DTNA: variants seen among roughly 807,000 people sequenced by gnomAD.
DTNA encodes dystrophin-related protein 3.
A neutral mutation model predicts 100.7 loss-of-function variants in DTNA; 43 were observed. That is an observed-to-expected ratio of 0.43 (90% CI 0.33 to 0.55). The LOEUF is 0.55. DTNA is among the 20% of genes least tolerant of loss of function. DTNA has a pLI of 0.04. For missense variants in DTNA, 798 were observed against 953.9 expected (o/e 0.84, Z 2.15); for synonymous variants, 349 against 347.9 (o/e 1.00, Z -0.04).
intron 20 of DTNA, 44 bp downstream of exon 20, chr18:34,879,763 A>G (rs972436999): frequency 2.5e-6 from 4 of 1,610,892 alleles, no homozygotes; most frequent in Non-Finnish European, 3.4e-6. Context: ...TAACAAAACA[A>G]TCTGTAGGAG....
At chr18:34,552,724 TG>T (rs2045575226) in intron 1 of DTNA, among the ~76,000 whole-genome samples, 1 of 151,748 alleles carries the variant, frequency 6.6e-6, no homozygotes, top group South Asian at 2.1e-4. Flanking sequence ...TTTTTATGGT[TG>T]CATAGTATTC....
intron 12 of DTNA, 138 bp downstream of exon 12, chr18:34,838,309 C>A: frequency 1.2e-6 from 1 of 843,234 alleles, no homozygotes; most frequent in Non-Finnish European, 1.9e-6. Flanking sequence ...CAGTTAACAG[C>A]ACTAAGTAGT....
intron 1 of DTNA, among the ~76,000 whole-genome samples, chr18:34,624,559 A>G (rs1385800563): frequency 2.6e-5 from 4 of 152,208 alleles, no homozygotes; most frequent in Non-Finnish European, 5.9e-5. Flanking sequence ...AGTATAATCA[A>G]TGTTAACTGT....
chr18:34,743,024 C>G (rs762720090), intron 1 of DTNA, among the ~76,000 whole-genome samples: 1 of 152,058 alleles, frequency 6.6e-6, no homozygotes, highest in African/African-American at 2.4e-5. Flanking sequence ...AGCCATGGCT[C>G]TCTTAAGAAA....
chr18:34,696,707 A>C (rs1373733533), intron 1 of DTNA, among the ~76,000 whole-genome samples: 1 of 152,182 alleles, frequency 6.6e-6, no homozygotes, highest in African/African-American at 2.4e-5. Flanking sequence ...GAAGAAGTAC[A>C]GCTGTACGAG....
intron 1 of DTNA, among the ~76,000 whole-genome samples, chr18:34,588,527 A>G (rs1425493306): frequency 6.6e-6 from 1 of 152,048 alleles, no homozygotes; most frequent in Non-Finnish European, 1.5e-5. Flanking sequence ...ATCTTCTTCT[A>G]TGTCTCTTTA....
chr18:34,636,745 T>C (rs2058710942), intron 1 of DTNA, among the ~76,000 whole-genome samples: 1 of 152,186 alleles, frequency 6.6e-6, no homozygotes, highest in Non-Finnish European at 1.5e-5. Flanking sequence ...TAAGTTTGCC[T>C]TGTTTTGTCT....
At chr18:34,826,687 A>G (rs1252021335) in intron 9 of DTNA, among the ~76,000 whole-genome samples, 2 of 152,188 alleles carry the variant, frequency 1.3e-5, no homozygotes, top group Non-Finnish European at 2.9e-5. Flanking sequence ...CCTCTGATTC[A>G]GAAAATGCTC....
At chr18:34,589,883 T>C (rs146005952) in intron 1 of DTNA, among the ~76,000 whole-genome samples, 3 of 152,312 alleles carry the variant, frequency 2.0e-5, no homozygotes, top group African/African-American at 7.2e-5. Context: ...GTGCCTGGCT[T>C]ATTTCACTTG....
intron 1 of DTNA, among the ~76,000 whole-genome samples, chr18:34,605,720 G>A (rs539894029): frequency 2.6e-4 from 40 of 151,694 alleles, no homozygotes; most frequent in African/African-American, 9.4e-4. Flanking sequence ...ACAACTCCAT[G>A]CTTAAGGGCA....
Position 34,889,622 on chromosome 18 carries a change from C to T in DTNA, c.*1888C>T. 2.0e-6 allele frequency: 2 copies of T among 985,586 alleles called. No homozygotes were observed. The highest frequency in any genetic ancestry group is 2.4e-6 in the Non-Finnish European group (2 of 829,946). 61.1% of individuals were successfully genotyped at this position (985,586 alleles called of 1,614,324 possible). On this transcript the variant is annotated 3_prime_UTR_variant, in exon 23 of 23. Coordinates refer to ENST00000444659, the MANE Select transcript of DTNA (RefSeq NM_001386795.1). ...GCAGAGGGCGGCTGTACGATGTTCA[C>T]ATGTCTGCGTTTGGTCAGACATCAT...
intron 1 of DTNA, among the ~76,000 whole-genome samples, chr18:34,679,104 A>G (rs184122463): frequency 2.2e-3 from 334 of 152,316 alleles, no homozygotes; most frequent in Middle Eastern, 0.01. Context: ...TGGAAAACAA[A>G]GAAGATTCCA....
intron 21 of DTNA, 45 bp from the exon 22 acceptor site, chr18:34,884,683 A>G: frequency 6.2e-7 from 1 of 1,610,168 alleles, no homozygotes; most frequent in East Asian, 2.2e-5. Flanking sequence ...TGCATCACAG[A>G]CTTGACGTGT....
intron 3 of DTNA, among the ~76,000 whole-genome samples, chr18:34,777,330 A>T (rs1242341879): frequency 6.6e-6 from 1 of 152,218 alleles, no homozygotes; most frequent in East Asian, 1.9e-4. Context: ...GAACAAGAAA[A>T]TGATGTCAAA....
At chr18:34,824,843 G>T (rs1444781833) in intron 9 of DTNA, among the ~76,000 whole-genome samples, 1 of 149,560 alleles carries the variant, frequency 6.7e-6, no homozygotes. Context: ...ACCATACCTG[G>T]CCACAACTTA....
chr18:34,817,986 G>A (rs968628444), intron 7 of DTNA, 178 bp from the exon 8 acceptor site: 19 of 1,499,766 alleles, frequency 1.3e-5, no homozygotes, highest in Non-Finnish European at 1.4e-5. Flanking sequence ...CCACAGGCAT[G>A]ATTGAAAAGG....
intron 17 of DTNA, chr18:34,867,187 C>T (rs1260710163): frequency 8.1e-7 from 1 of 1,231,174 alleles, no homozygotes; most frequent in African/African-American, 1.6e-5. Flanking sequence ...TCTGTATGCT[C>T]TTTTCTATTA....
chr18:34,564,363 C>T (rs1238233968), intron 1 of DTNA, among the ~76,000 whole-genome samples: 4 of 152,064 alleles, frequency 2.6e-5, no homozygotes, highest in Non-Finnish European at 4.4e-5. Context: ...AGGCTGGTCT[C>T]GAATTCCTGA....
intron 1 of DTNA, among the ~76,000 whole-genome samples, chr18:34,642,802 C>A (rs933143722): frequency 1.3e-5 from 2 of 152,126 alleles, no homozygotes; most frequent in African/African-American, 4.8e-5. Flanking sequence ...CATGATCTGT[C>A]CACCTCGACC....
Sources: gnomAD v4.1 joint callset for allele counts (sites outside exome capture counted in the v4.1 genomes callset) on GRCh38, gnomAD v4.1.1 for gene constraint, MANE v1.5 for transcripts, NCBI Gene and HGNC (gene_info 2026-07-23, HGNC 2026-07-21) for gene names.